The following NBEA variants were observed in gnomAD, a reference collection of about 807,000 sequenced individuals.
The protein encoded by NBEA is lysosomal-trafficking regulator 2.
A neutral mutation model predicts 343.4 loss-of-function variants in NBEA; 44 were observed. That is an observed-to-expected ratio of 0.13 (90% CI 0.10 to 0.16). The LOEUF (loss-of-function observed/expected upper bound fraction) is 0.16, where lower values mean the gene tolerates loss of function less well. NBEA is among the 10% of genes least tolerant of loss of function. The pLI, the probability that NBEA is intolerant of heterozygous loss-of-function variation, is 1.00. For missense variants in NBEA, 2,555 were observed against 3,631.3 expected (o/e 0.70, Z 7.62); for synonymous variants, 1,175 against 1,238.7 (o/e 0.95, Z 1.08).
chr13:35,439,194 C>A (rs780783407), intron 39 of NBEA, among the ~76,000 whole-genome samples: 3 of 152,058 alleles, frequency 2.0e-5, no homozygotes, highest in Non-Finnish European at 2.9e-5. Flanking sequence ...CAGGAGAGCT[C>A]CCCACAACAA....
chr13:35,265,546 C>A (rs1003418501), intron 34 of NBEA, among the ~76,000 whole-genome samples: 2 of 151,692 alleles, frequency 1.3e-5, no homozygotes, highest in Non-Finnish European at 3.0e-5. Context: ...AAAGATAGCC[C>A]AGAAATAAAT....
At chr13:35,437,299 T>C (rs1057043642) in intron 39 of NBEA, among the ~76,000 whole-genome samples, 1 of 152,144 alleles carries the variant, frequency 6.6e-6, no homozygotes, top group Non-Finnish European at 1.5e-5. Flanking sequence ...TTCTTTTAAA[T>C]GAGCAAACAA....
chr13:35,178,493 A>C (rs1593627661), intron 28 of NBEA, among the ~76,000 whole-genome samples: 1 of 151,706 alleles, frequency 6.6e-6, no homozygotes, highest in Non-Finnish European at 1.5e-5. Flanking sequence ...GATATATTTT[A>C]AGAGAAAGCA....
intron 1 of NBEA, among the ~76,000 whole-genome samples, chr13:34,949,469 C>T (rs1030886584): frequency 6.6e-6 from 1 of 152,154 alleles, no homozygotes; most frequent in Admixed American, 6.5e-5. Flanking sequence ...ATTCTAAGCT[C>T]CAGCAGTGTA....
At chr13:35,121,936 A>G (rs2066824314) in intron 16 of NBEA, among the ~76,000 whole-genome samples, 1 of 152,208 alleles carries the variant, frequency 6.6e-6, no homozygotes, top group South Asian at 2.1e-4. Flanking sequence ...ATAATGTTAC[A>G]GCCCCTAAAG....
At chr13:35,594,104 A>G (rs1474482991) in intron 47 of NBEA, among the ~76,000 whole-genome samples, 1 of 152,134 alleles carries the variant, frequency 6.6e-6, no homozygotes. Context: ...TCAAAGCAAT[A>G]ATATATATTT....
intron 1 of NBEA, among the ~76,000 whole-genome samples, chr13:35,009,622 T>G (rs892402839): frequency 2.6e-5 from 4 of 152,130 alleles, no homozygotes; most frequent in African/African-American, 9.7e-5. Context: ...TGGATTTTAT[T>G]AGAACAGAGT....
chr13:35,479,838 C>G (rs2076049498), intron 41 of NBEA, among the ~76,000 whole-genome samples: 1 of 151,766 alleles, frequency 6.6e-6, no homozygotes, highest in Admixed American at 6.6e-5. Flanking sequence ...TAATTGTTTT[C>G]AGTGGTAGGC....
At chr13:35,572,758 G>A (rs998603982) in intron 45 of NBEA, among the ~76,000 whole-genome samples, 2 of 151,846 alleles carry the variant, frequency 1.3e-5, no homozygotes, top group African/African-American at 4.8e-5. Flanking sequence ...TTTTGAGATG[G>A]AGTCTCCCTC....
intron 1 of NBEA, among the ~76,000 whole-genome samples, chr13:35,004,558 T>G (rs1001918035): frequency 1.3e-5 from 2 of 152,230 alleles, no homozygotes; most frequent in Non-Finnish European, 2.9e-5. Flanking sequence ...TTTTTTCATT[T>G]ATGCCCTTTG....
At chr13:35,288,626 G>T (rs985637608) in intron 34 of NBEA, among the ~76,000 whole-genome samples, 1 of 151,526 alleles carries the variant, frequency 6.6e-6, no homozygotes, top group African/African-American at 2.4e-5. Flanking sequence ...TGTTGCATAG[G>T]GTTTTTTATA....
intron 41 of NBEA, among the ~76,000 whole-genome samples, chr13:35,517,249 C>T (rs1323161371): frequency 6.6e-6 from 1 of 152,116 alleles, no homozygotes; most frequent in Non-Finnish European, 1.5e-5. Flanking sequence ...CTCCCATCCC[C>T]AAAGGTATGT....
intron 34 of NBEA, among the ~76,000 whole-genome samples, chr13:35,258,316 C>T (rs1157702529): frequency 6.6e-6 from 1 of 151,718 alleles, no homozygotes; most frequent in African/African-American, 2.4e-5. Flanking sequence ...TACAGGCATG[C>T]GCCACCACAC....
At chr13:35,280,353 C>T (rs946460909) in intron 34 of NBEA, among the ~76,000 whole-genome samples, 3 of 152,032 alleles carry the variant, frequency 2.0e-5, no homozygotes, top group African/African-American at 7.2e-5. Flanking sequence ...TTAATTTCAG[C>T]AGATTTTCTT....
At chr13:35,427,130 A>G (rs1409296292) in intron 38 of NBEA, among the ~76,000 whole-genome samples, 4 of 151,912 alleles carry the variant, frequency 2.6e-5, no homozygotes, top group African/African-American at 9.7e-5. Context: ...TCTTCTCTCA[A>G]CTCGTCAAAG....
At chr13:35,059,761 C>G (rs34356691) in intron 8 of NBEA, among the ~76,000 whole-genome samples, 4 of 111,062 alleles carry the variant, frequency 3.6e-5, no homozygotes, top group South Asian at 2.7e-4. Flanking sequence ...TATATATATA[C>G]AGAGAGAGAG....
intron 1 of NBEA, among the ~76,000 whole-genome samples, chr13:34,988,990 G>T (rs1181221219): frequency 6.6e-6 from 1 of 150,644 alleles, no homozygotes. Flanking sequence ...ACTATTTGTT[G>T]TTTCTTTGTC....
At chr13:35,438,059 A>G (rs1248340153) in intron 39 of NBEA, among the ~76,000 whole-genome samples, 2 of 152,184 alleles carry the variant, frequency 1.3e-5, no homozygotes, top group Non-Finnish European at 2.9e-5. Flanking sequence ...CAAAGACAGC[A>G]TCTTAAATAG....
chr13:35,554,892 A>G (rs1022656406), intron 43 of NBEA, 95 bp from the exon 44 acceptor site: 6 of 517,750 alleles, frequency 1.2e-5, no homozygotes, highest in Non-Finnish European at 2.0e-5. Context: ...AAATTATTTT[A>G]AGTTGATTAT....
Sources: allele counts gnomAD v4.1 joint callset (sites outside exome capture counted in the v4.1 genomes callset), GRCh38; gene constraint gnomAD v4.1.1; transcripts MANE v1.5; gene names NCBI Gene and HGNC (gene_info 2026-07-23, HGNC 2026-07-21).